FMN2: variants seen among roughly 807,000 people sequenced by gnomAD.
FMN2 encodes formin-2.
Under a neutral mutation model 142.3 loss-of-function variants are expected in FMN2, and 51 were observed. That is an observed-to-expected ratio of 0.36 (90% CI 0.29 to 0.45). The LOEUF (loss-of-function observed/expected upper bound fraction) is 0.45. Among genes scored for constraint, FMN2 ranks in the 20% least tolerant of loss-of-function variants. The probability of loss-of-function intolerance (pLI) is 1.00; values close to 1 mark genes in which losing one functional copy is unlikely to be tolerated. For missense variants in FMN2, 1,936 were observed against 2,122.8 expected, an observed-to-expected ratio of 0.91 and a Z score of 1.73; for synonymous variants, 882 against 869.8, an observed-to-expected ratio of 1.01 and a Z score of -0.25.
chr1:240,165,770 T>C (rs1394299418), intron 2 of FMN2, among the ~76,000 whole-genome samples: 2 of 152,274 alleles, frequency 1.3e-5, no homozygotes, highest in East Asian at 3.9e-4. Flanking sequence ...AAGATTTAGA[T>C]GCTTTGAAGT....
intron 4 of FMN2, among the ~76,000 whole-genome samples, chr1:240,196,817 C>T (rs923418590): frequency 1.3e-5 from 2 of 152,128 alleles, no homozygotes; most frequent in Admixed American, 1.3e-4. Context: ...TTCTGGTGCA[C>T]ATTGAGCTTA....
At chr1:240,204,673 C>A (rs969400456) in intron 4 of FMN2, among the ~76,000 whole-genome samples, 52 of 152,254 alleles carry the variant, frequency 3.4e-4, no homozygotes, top group Middle Eastern at 3.4e-3. Flanking sequence ...ATTGCATGAA[C>A]CCGCGAGGCA....
In FMN2 at chr1:240,207,709, TTC is replaced by T. The variant is rs1666455409; in HGVS notation, c.2898_2899del (p.Pro967SerfsTer285). ...CCTCTTCCCGGGGCAGGCATACCCCTTCCTCCCCCTCTTCCCGGAGCAGGAAT... is the reference window on the plus strand; with the variant it reads ...CCTCTTCCCGGGGCAGGCATACCCCTCTCCCCCTCTTCCCGGAGCAGGAAT... On this transcript the variant is annotated frameshift_variant, in exon 5 of 18. Transcript: ENST00000319653. LOFTEE classifies it high-confidence loss of function. The T allele has an allele frequency of 9.5e-6, 8 of 844,904 alleles. No homozygotes were observed. The highest frequency in any genetic ancestry group is 4.3e-4 in the Middle Eastern group (1 of 2,340). 52.3% of individuals were successfully genotyped at this position (844,904 alleles called of 1,614,324 possible).
At chr1:240,182,942 G>C (rs1665214136) in intron 3 of FMN2, among the ~76,000 whole-genome samples, 2 of 150,188 alleles carry the variant, frequency 1.3e-5, no homozygotes, top group Admixed American at 6.6e-5. Context: ...TTTGAGACAG[G>C]GTTTAACTCT....
intron 2 of FMN2, among the ~76,000 whole-genome samples, chr1:240,151,728 ACT>A (rs139922024): frequency 0.011 from 1,605 of 151,862 alleles, 26 homozygotes; most frequent in African/African-American, 0.037. Flanking sequence ...AAGGAGCAGA[ACT>A]CTCTGTGTGG....
In FMN2 at chr1:240,188,330, T is replaced by C; in HGVS notation, c.1986+68T>C. The C allele has an allele frequency of 3.3e-6, 5 of 1,495,404 alleles. No individual in the cohort carries two copies. The Admixed American group carries it at 7.0e-5, about 21-fold the overall frequency. The allele number at this position is 1,495,404 out of a possible 1,614,324, so 92.6% of individuals were successfully genotyped here. A position where few individuals can be genotyped will look rare whatever the true frequency, so the allele number is the denominator to read the frequency against. On this transcript the variant is annotated intron_variant, in intron 4 of 17. Coordinates refer to ENST00000319653, the MANE Select transcript of FMN2 (RefSeq NM_020066.5). ...TTTGTCTTAAGATTGTGACAGACTC[T>C]GCGATTTATCTTTCCATCTGCCCGG...
At chr1:240,424,193 CAT>C (rs1450182946) in intron 15 of FMN2, among the ~76,000 whole-genome samples, 1 of 152,134 alleles carries the variant, frequency 6.6e-6, no homozygotes, top group Non-Finnish European at 1.5e-5. Flanking sequence ...GAAATAGAGT[CAT>C]ATGAAAGAGT....
intron 2 of FMN2, chr1:240,143,991 G>C: frequency 7.8e-7 from 1 of 1,289,252 alleles, no homozygotes; most frequent in Non-Finnish European, 1.1e-6. Context: ...AGCAGTCCCA[G>C]AGCAGGGACA....
At position 240,106,394 on chromosome 1, in the gene FMN2, A is replaced by T. The variant is rs565781863; in HGVS notation, c.1615+12670A>T. Among the ~76,000 whole-genome samples the T allele has an allele frequency of 2.6e-5, 4 of 152,240 alleles. No individual in the cohort carries two copies. The South Asian group carries it at 8.3e-4, about 32-fold the overall frequency. Reference sequence around the variant, plus strand: ...TCTCTCTTGTGAATTTCAGGTGCCAATTTCATATTGTCTTTTAAACATCTT... The same window carrying T: ...TCTCTCTTGTGAATTTCAGGTGCCATTTTCATATTGTCTTTTAAACATCTT... On this transcript the variant is annotated intron_variant, in intron 1 of 17. Transcript: ENST00000319653.
intron 13 of FMN2, among the ~76,000 whole-genome samples, chr1:240,348,753 T>G (rs1672000036): frequency 6.6e-6 from 1 of 152,222 alleles, no homozygotes; most frequent in Admixed American, 6.5e-5. Context: ...GTATCTTCCC[T>G]TGTCTGAATT....
intron 2 of FMN2, among the ~76,000 whole-genome samples, chr1:240,157,046 A>G (rs983357664): frequency 1.3e-5 from 2 of 152,230 alleles, no homozygotes; most frequent in South Asian, 2.1e-4. Flanking sequence ...AAGTTAAGAA[A>G]AAAACTTTAT....
intron 2 of FMN2, among the ~76,000 whole-genome samples, chr1:240,164,583 AT>A (rs1664402906): frequency 6.6e-6 from 1 of 152,010 alleles, no homozygotes; most frequent in African/African-American, 2.4e-5. Flanking sequence ...GGTTTCTTTC[AT>A]TTTCTTCTTG....
chr1:240,165,892 C>T (rs1664462134), intron 2 of FMN2, among the ~76,000 whole-genome samples: 1 of 151,898 alleles, frequency 6.6e-6, no homozygotes, highest in South Asian at 2.1e-4. Context: ...TAGGGCCAGT[C>T]TCTCTTAGAG....
At position 240,392,670 on chromosome 1, in the gene FMN2, AAAAT is replaced by A; in HGVS notation, c.4910+113_4910+116del. On this transcript the variant is annotated intron_variant, in intron 15 of 17. Coordinates refer to ENST00000319653, the MANE Select transcript of FMN2 (RefSeq NM_020066.5). ...AATTTTAATTTTCAAGCATAAAACA[AAAAT>A]AAATCTAATAAAATGGTGTGCTCTA... The A allele has an allele frequency of 4.7e-6, 4 of 847,696 alleles. No homozygotes were observed. In the South Asian group the frequency reaches 5.7e-5, roughly 12 times the overall value. 52.5% of individuals were successfully genotyped at this position (847,696 alleles called of 1,614,324 possible). A position where few individuals can be genotyped will look rare whatever the true frequency, so the allele number is the denominator to read the frequency against.
Position 240,417,652 on chromosome 1 carries a change from A to G in FMN2, c.4911-20409A>G, listed in dbSNP as rs77726973. Among the ~76,000 whole-genome samples the G allele has an allele frequency of 4.6e-3, 687 of 150,710 alleles. 7 individuals carry two copies. Among genetic ancestry groups the G allele is most frequent in the African/African-American group, 0.016 (655 of 41,408 alleles). ...CGTGAGTCCTTTGGTATCTCAGTTT[A>G]TGGTTTGCATATGGGAGCAACTCCT... On this transcript the variant is annotated intron_variant, in intron 15 of 17. Coordinates refer to ENST00000319653, the MANE Select transcript of FMN2 (RefSeq NM_020066.5).
intron 6 of FMN2, among the ~76,000 whole-genome samples, chr1:240,256,974 A>G (rs1394988464): frequency 1.3e-5 from 2 of 152,218 alleles, no homozygotes; most frequent in Non-Finnish European, 2.9e-5. Context: ...ATAAGGGAAG[A>G]CAGGGTACAA....
At chr1:240,407,630 ATAAC>A (rs1674255408) in intron 15 of FMN2, among the ~76,000 whole-genome samples, 1 of 152,230 alleles carries the variant, frequency 6.6e-6, no homozygotes, top group African/African-American at 2.4e-5. Flanking sequence ...ACTTAATACC[ATAAC>A]TAACCATGCA....
At chr1:240,422,389 CTTTA>C (rs914490560) in intron 15 of FMN2, among the ~76,000 whole-genome samples, 5 of 152,110 alleles carry the variant, frequency 3.3e-5, no homozygotes, top group African/African-American at 1.2e-4. Flanking sequence ...TGGAGTATCT[CTTTA>C]TTTAGTTCTT....
rs558689849 is a variant in FMN2, at chr1:240,115,997, A to G, written c.1616-7182A>G. Among the ~76,000 whole-genome samples the G allele has an allele frequency of 1.9e-4, 29 of 152,244 alleles. No homozygotes were observed. The East Asian group carries it at 5.6e-3, about 29-fold the overall frequency. The stretch of plus-strand genomic sequence containing the variant: ...TACAGGGCAACTTCCTGAGGTTGCC[A>G]TTGTATTTGTAAACTGTCCTGGCGC... On this transcript the variant is annotated intron_variant, in intron 1 of 17. Coordinates refer to ENST00000319653, the MANE Select transcript of FMN2 (RefSeq NM_020066.5).
Sources: allele counts gnomAD v4.1 joint callset (sites outside exome capture counted in the v4.1 genomes callset), GRCh38; gene constraint gnomAD v4.1.1; transcripts MANE v1.5; gene names NCBI Gene and HGNC (gene_info 2026-07-23, HGNC 2026-07-21).